The following RARB variants were observed in gnomAD, a reference collection of about 807,000 sequenced individuals.
The protein encoded by RARB is retinoic acid receptor beta.
Under a neutral mutation model 51.9 loss-of-function variants are expected in RARB, and 17 were observed. The observed-to-expected ratio is 0.33, with a 90% CI of 0.22 to 0.49. The LOEUF (loss-of-function observed/expected upper bound fraction) is 0.49, where lower values mean the gene tolerates loss of function less well. Ranked by LOEUF, RARB falls within the 20% of genes least tolerant of loss-of-function variation. The probability of loss-of-function intolerance (pLI) is 0.99; values close to 1 mark genes in which losing one functional copy is unlikely to be tolerated. For missense variants in RARB, 369 were observed against 550.8 expected (o/e 0.67, Z 3.30); for synonymous variants, 215 against 195.4 (o/e 1.10, Z -0.84).
intron 4 of RARB, among the ~76,000 whole-genome samples, chr3:25,142,348 TAAA>T (rs955791356): frequency 6.7e-6 from 1 of 149,114 alleles, no homozygotes; most frequent in African/African-American, 2.5e-5. Context: ...AAAGAAATAA[TAAA>T]AAAAAAATCT....
At chr3:24,969,563 T>C (rs1270702896) in intron 2 of RARB, among the ~76,000 whole-genome samples, 2 of 152,120 alleles carry the variant, frequency 1.3e-5, no homozygotes, top group Non-Finnish European at 2.9e-5. Flanking sequence ...TCTGTCTCTT[T>C]TATTTATGTG....
intron 4 of RARB, among the ~76,000 whole-genome samples, chr3:25,165,200 C>T (rs1700540122): frequency 6.6e-6 from 1 of 152,142 alleles, no homozygotes; most frequent in South Asian, 2.1e-4. Flanking sequence ...AACTCAGAAG[C>T]ACAGTTGTAG....
chr3:25,221,710 C>G (rs986702051), intron 5 of RARB, among the ~76,000 whole-genome samples: 2 of 152,158 alleles, frequency 1.3e-5, no homozygotes, highest in African/African-American at 4.8e-5. Flanking sequence ...CCAAATGCTG[C>G]TTCTAGGAGA....
chr3:25,053,822 T>C (rs1289960205), intron 2 of RARB, among the ~76,000 whole-genome samples: 1 of 152,184 alleles, frequency 6.6e-6, no homozygotes, highest in Non-Finnish European at 1.5e-5. Flanking sequence ...AGGAAGGCTA[T>C]CATCTCTCTT....
At chr3:25,381,198 A>G (rs540118472) in intron 5 of RARB, among the ~76,000 whole-genome samples, 1 of 152,222 alleles carries the variant, frequency 6.6e-6, no homozygotes, top group Non-Finnish European at 1.5e-5. Flanking sequence ...GACCAAGGCT[A>G]ACGTCAGACA....
chr3:24,877,345 A>ATTTTTTTTTTTTTTTTTTTTTTTTT (rs1559379782), intron 2 of RARB, among the ~76,000 whole-genome samples: 2 of 17,760 alleles, frequency 1.1e-4, no homozygotes, highest in East Asian at 1.0e-3. Flanking sequence ...AAGCAATCTT[A>ATTTTTTTTTTTTTTTTTTTTTTTTT]CTTTTTTTTT....
chr3:25,453,335 C>T (rs537839919), intron 1 of RARB, among the ~76,000 whole-genome samples: 8 of 150,416 alleles, frequency 5.3e-5, no homozygotes, highest in African/African-American at 2.0e-4. Context: ...GCAACCTCCG[C>T]CTCCCGGGTT....
At chr3:25,448,158 C>T (rs1028042772) in intron 1 of RARB, among the ~76,000 whole-genome samples, 2 of 151,860 alleles carry the variant, frequency 1.3e-5, no homozygotes, top group African/African-American at 2.4e-5. Flanking sequence ...CCAGGAAGGC[C>T]GACTCCCGAG....
intron 2 of RARB, among the ~76,000 whole-genome samples, chr3:24,868,055 C>T (rs775512315): frequency 2.6e-5 from 4 of 152,188 alleles, no homozygotes; most frequent in Middle Eastern, 3.4e-3. Flanking sequence ...GCAGAAAAAA[C>T]GGGGCTTGAT....
At chr3:25,031,145 C>T (rs1697865840) in intron 2 of RARB, among the ~76,000 whole-genome samples, 2 of 152,154 alleles carry the variant, frequency 1.3e-5, no homozygotes, top group Admixed American at 1.3e-4. Flanking sequence ...GCCACTAGCA[C>T]CACCCTCGCC....
intron 3 of RARB, among the ~76,000 whole-genome samples, chr3:25,564,655 T>TGGGTCG: frequency 6.6e-6 from 1 of 152,282 alleles, no homozygotes; most frequent in East Asian, 1.9e-4. Flanking sequence ...CCCCCATCTG[T>TGGGTCG]GGGTCGGATC....
chr3:25,111,421 C>G (rs1381526620), intron 3 of RARB, among the ~76,000 whole-genome samples: 1 of 152,016 alleles, frequency 6.6e-6, no homozygotes, highest in African/African-American at 2.4e-5. Context: ...GTTGTTGTTC[C>G]TTGAAATTTC....
intron 1 of RARB, among the ~76,000 whole-genome samples, chr3:24,834,036 A>G (rs1001813762): frequency 2.6e-5 from 4 of 152,250 alleles, no homozygotes; most frequent in East Asian, 1.9e-4. Flanking sequence ...TGCAGATTAT[A>G]TAAGTTTCAC....
At chr3:24,903,802 T>C (rs1450372841) in intron 2 of RARB, among the ~76,000 whole-genome samples, 1 of 152,198 alleles carries the variant, frequency 6.6e-6, no homozygotes, top group Non-Finnish European at 1.5e-5. Context: ...AAGACTGAAA[T>C]ATGTTCTCTA....
At chr3:24,991,076 T>C (rs1696899509) in intron 2 of RARB, among the ~76,000 whole-genome samples, 1 of 152,244 alleles carries the variant, frequency 6.6e-6, no homozygotes, top group Admixed American at 6.5e-5. Context: ...ACAGCAGCCT[T>C]CTTGAATTAT....
At chr3:25,321,729 A>T (rs905659938) in intron 5 of RARB, among the ~76,000 whole-genome samples, 9 of 150,892 alleles carry the variant, frequency 6.0e-5, no homozygotes, top group East Asian at 3.9e-4. Context: ...AAAATAAATT[A>T]AAAAAAAATT....
At chr3:24,983,496 C>T (rs1201557864) in intron 2 of RARB, among the ~76,000 whole-genome samples, 1 of 152,076 alleles carries the variant, frequency 6.6e-6, no homozygotes, top group Non-Finnish European at 1.5e-5. Context: ...TTAAGCCCTA[C>T]ATGCATTAGT....
chr3:24,840,087 T>G (rs1292479122), intron 1 of RARB, among the ~76,000 whole-genome samples: 1 of 152,188 alleles, frequency 6.6e-6, no homozygotes, highest in Non-Finnish European at 1.5e-5. Flanking sequence ...AGTGTAGGTT[T>G]TCTCACCTGC....
intron 2 of RARB, among the ~76,000 whole-genome samples, chr3:24,872,505 A>G (rs534685829): frequency 1.3e-5 from 2 of 152,300 alleles, no homozygotes; most frequent in South Asian, 2.1e-4. Context: ...CACGGTGCCA[A>G]TATCTGCTTT....
Sources: allele counts gnomAD v4.1 joint callset (sites outside exome capture counted in the v4.1 genomes callset), GRCh38; gene constraint gnomAD v4.1.1; transcripts MANE v1.5; gene names NCBI Gene and HGNC (gene_info 2026-07-23, HGNC 2026-07-21).